TRPA1: variants seen among roughly 807,000 people sequenced by gnomAD.
TRPA1 encodes the protein transient receptor potential cation channel subfamily A member 1.
Under a neutral mutation model 131.3 loss-of-function variants are expected in TRPA1, and 129 were observed. The ratio of observed to expected loss-of-function variants is 0.98; its 90% CI spans 0.85 to 1.14. The LOEUF is 1.14. Among genes scored for constraint, TRPA1 ranks in the 50% most tolerant of loss-of-function variants. The pLI, the probability that TRPA1 is intolerant of heterozygous loss-of-function variation, is 0.00. For synonymous variants in TRPA1, 441 were observed against 451.7 expected, an observed-to-expected ratio of 0.98 and a Z score of 0.30; for missense variants, 1,304 against 1,354.2, an observed-to-expected ratio of 0.96 and a Z score of 0.58.
intron 21 of TRPA1, 71 bp downstream of exon 21, chr8:72,036,217 C>T (rs1249648757): frequency 2.7e-6 from 4 of 1,499,950 alleles, no homozygotes; most frequent in South Asian, 1.2e-5. Flanking sequence ...AAATTTACAC[C>T]AGGTACAATA....
At chr8:72,032,675 A>T (rs541588784) in intron 23 of TRPA1, among the ~76,000 whole-genome samples, 1 of 152,334 alleles carries the variant, frequency 6.6e-6, no homozygotes, top group East Asian at 1.9e-4. Flanking sequence ...CTTCCAAAGC[A>T]TAAACAATTA....
chr8:72,048,667 A>C (rs1805411969), intron 15 of TRPA1, among the ~76,000 whole-genome samples: 1 of 152,186 alleles, frequency 6.6e-6, no homozygotes, highest in African/African-American at 2.4e-5. Context: ...ATGTTGTATA[A>C]GTATTTCAAA....
At chr8:72,054,413 A>C (rs1805608133) in intron 12 of TRPA1, 1 of 153,536 alleles carries the variant, frequency 6.5e-6, no homozygotes, top group South Asian at 2.0e-4. Flanking sequence ...ATGCTTACTC[A>C]ATTGCTTTGA....
upstream of TRPA1, chr8:72,075,652 A>T: frequency 1.8e-6 from 1 of 547,546 alleles, no homozygotes; most frequent in Non-Finnish European, 3.3e-6. Context: ...AGGAGGTAGA[A>T]ACGCGGAGCT....
At chr8:72,052,489 A>C in intron 14 of TRPA1, 110 bp downstream of exon 14, 1 of 1,415,966 alleles carries the variant, frequency 7.1e-7, no homozygotes, top group Non-Finnish European at 9.9e-7. Context: ...TGATATTTTA[A>C]ATTTTGATTA....
At chr8:72,025,606 C>T (rs576512329) in intron 25 of TRPA1, among the ~76,000 whole-genome samples, 20 of 152,244 alleles carry the variant, frequency 1.3e-4, no homozygotes, top group Non-Finnish European at 1.9e-4. Flanking sequence ...TATATCTACA[C>T]ATAAATGTAA....
intron 15 of TRPA1, among the ~76,000 whole-genome samples, chr8:72,048,042 G>A (rs1167647158): frequency 2.0e-5 from 3 of 151,738 alleles, no homozygotes; most frequent in South Asian, 2.1e-4. Flanking sequence ...TGTGTTTAGA[G>A]GGGGGTGGAC....
chr8:72,031,533 A>T (rs1225413677), intron 23 of TRPA1, among the ~76,000 whole-genome samples: 2 of 151,548 alleles, frequency 1.3e-5, no homozygotes, highest in Non-Finnish European at 2.9e-5. Context: ...AGCCATGATC[A>T]CTCCACTGCA....
the TRPA1 span, among the ~76,000 whole-genome samples, chr8:72,084,414 A>AT: frequency 7.9e-5 from 11 of 139,566 alleles, no homozygotes; most frequent in Non-Finnish European, 1.2e-4. Flanking sequence ...AATTTGTAAG[A>AT]TTTTTTTTAT....
At chr8:72,031,922 T>C (rs567802784) in intron 23 of TRPA1, among the ~76,000 whole-genome samples, 35 of 152,238 alleles carry the variant, frequency 2.3e-4, no homozygotes, top group African/African-American at 8.2e-4. Flanking sequence ...ATAGAGTTAG[T>C]TAATTGGAGA....
intron 15 of TRPA1, 139 bp from the exon 16 acceptor site, chr8:72,047,346 T>C (rs1268117314): frequency 1.0e-5 from 7 of 684,756 alleles, no homozygotes; most frequent in African/African-American, 3.6e-5. Flanking sequence ...TAAATTATAA[T>C]CTATGTCATT....
At chr8:72,065,184 A>T (rs1445754064) in intron 4 of TRPA1, among the ~76,000 whole-genome samples, 1 of 152,016 alleles carries the variant, frequency 6.6e-6, no homozygotes, top group Non-Finnish European at 1.5e-5. Flanking sequence ...CTTCATCTCA[A>T]CTTTTCCTGC....
chr8:72,075,657 G>A (rs914556734), upstream of TRPA1: 1 of 547,948 alleles, frequency 1.8e-6, no homozygotes. Context: ...GTAGAAACGC[G>A]GAGCTCCTTC....
the TRPA1 span, among the ~76,000 whole-genome samples, chr8:72,086,129 C>T: frequency 6.6e-6 from 1 of 152,042 alleles, no homozygotes; most frequent in Non-Finnish European, 1.5e-5. Context: ...TCTCGATCTC[C>T]TGATCTCGTG....
intron 17 of TRPA1, among the ~76,000 whole-genome samples, 189 bp downstream of exon 17, chr8:72,046,324 G>T (rs1355784199): frequency 2.6e-5 from 4 of 151,826 alleles, no homozygotes; most frequent in African/African-American, 4.8e-5. Flanking sequence ...AAACATTTTA[G>T]ACTATTGTAT....
Position 72,052,599 on chromosome 8 carries a change from C to T in TRPA1, c.1811G>A (p.Arg604Lys). The T allele has an allele frequency of 2.5e-6, 4 of 1,613,388 alleles. No individual in the cohort carries two copies. The highest frequency in any genetic ancestry group is 3.4e-6 in the Non-Finnish European group (4 of 1,179,588). Residue 604 changes from arginine (R) to lysine (K), a missense_variant and splice_region_variant, in exon 14 of 27, where the codon AGA becomes AAA. Physicochemically the swap from Arg to Lys is conservative, Grantham distance 26. Transcript: ENST00000262209. ...EVVLTIIRSK[R>K]WDECLKIFSH... ...GACAGTGGACAGGAAGACAGTGTAC[C>T]TTTTGCTCCTGATGATCGTAAGAAC...
intron 21 of TRPA1, among the ~76,000 whole-genome samples, chr8:72,036,005 CAAAAAAA>C (rs58197251): frequency 2.2e-5 from 1 of 44,968 alleles, no homozygotes; most frequent in Admixed American, 2.8e-4. Context: ...TCCCCCTCCA[CAAAAAAA>C]AAAAAAAAAA....
chr8:72,058,835 A>T (rs1805736688), intron 8 of TRPA1, among the ~76,000 whole-genome samples: 2 of 152,228 alleles, frequency 1.3e-5, no homozygotes, highest in Admixed American at 6.5e-5. Context: ...TTCACCATAC[A>T]TTCATCCGTA....
In TRPA1 at chr8:72,075,565, A is replaced by G; in HGVS notation, c.-156T>C. ...AGGCAGCGAAAAAGTCGCTCTGCGGAAGCCCTGGAGAACTTCTGGAAGGAG... is the reference window on the plus strand; with the variant it reads ...AGGCAGCGAAAAAGTCGCTCTGCGGGAGCCCTGGAGAACTTCTGGAAGGAG... On this transcript the variant is annotated 5_prime_UTR_variant, in exon 1 of 27. Coordinates refer to ENST00000262209, the MANE Select transcript of TRPA1 (RefSeq NM_007332.3). 1.5e-6 allele frequency: 1 copy of G among 673,842 alleles called. No individual in the cohort carries two copies. Among genetic ancestry groups the G allele is most frequent in the East Asian group, 2.7e-5 (1 of 37,090 alleles). The allele number at this position is 673,842 out of a possible 1,614,324, so 41.7% of individuals were successfully genotyped here.
Sources: gnomAD v4.1 joint callset for allele counts (sites outside exome capture counted in the v4.1 genomes callset) on GRCh38, gnomAD v4.1.1 for gene constraint, MANE v1.5 for transcripts, NCBI Gene and HGNC (gene_info 2026-07-23, HGNC 2026-07-21) for gene names.